Variants in RAB30 observed in about 807,000 individuals in gnomAD.
RAB30 encodes RAB30, member RAS oncogene family.
In RAB30, 9 loss-of-function variants were observed where a neutral mutation model predicts 25.1. That is an observed-to-expected ratio of 0.36 (90% confidence interval 0.22 to 0.63). The LOEUF is 0.63. Ranked by LOEUF, RAB30 falls within the 20% of genes least tolerant of loss-of-function variation. RAB30 has a pLI of 0.69. For synonymous variants in RAB30, 77 were observed against 86.4 expected, an observed-to-expected ratio of 0.89 and a Z score of 0.60; for missense variants, 140 against 243.5, an observed-to-expected ratio of 0.58 and a Z score of 2.83.
intron 1 of RAB30, among the ~76,000 whole-genome samples, chr11:83,050,946 C>A (rs1858345449): frequency 6.6e-6 from 1 of 152,170 alleles, no homozygotes; most frequent in Non-Finnish European, 1.5e-5. Context: ...CTCTTAACAG[C>A]TTTTGAGTCC....
intron 3 of RAB30, among the ~76,000 whole-genome samples, chr11:82,988,957 T>C (rs1856795185): frequency 7.4e-6 from 1 of 135,228 alleles, no homozygotes; most frequent in African/African-American, 2.8e-5. Context: ...GCACCTGACA[T>C]GCCTGAATCA....
At chr11:83,031,916 A>C (rs961728933) in intron 1 of RAB30, among the ~76,000 whole-genome samples, 1 of 152,174 alleles carries the variant, frequency 6.6e-6, no homozygotes, top group African/African-American at 2.4e-5. Flanking sequence ...CCATGTGCTG[A>C]TGAAGCACCT....
intron 1 of RAB30, among the ~76,000 whole-genome samples, chr11:83,055,506 C>T (rs1858439738): frequency 6.6e-6 from 1 of 152,208 alleles, no homozygotes; most frequent in Admixed American, 6.5e-5. Context: ...TTCTGCTGCG[C>T]AGCCAGATCT....
At chr11:82,994,215 C>T (rs1856914696) in intron 2 of RAB30, 93 bp from the exon 3 acceptor site, 16 of 1,085,190 alleles carry the variant, frequency 1.5e-5, no homozygotes. Context: ...TCACCGGAGT[C>T]CTTCCTTCAG....
chr11:83,035,745 G>C (rs1186104399), intron 1 of RAB30: 1 of 152,272 alleles, frequency 6.6e-6, no homozygotes, highest in Non-Finnish European at 1.5e-5. Flanking sequence ...TCCAGTGAAG[G>C]CTCTGTGCTT....
At chr11:83,070,098 A>T (rs1218964340) in intron 1 of RAB30, among the ~76,000 whole-genome samples, 1 of 151,466 alleles carries the variant, frequency 6.6e-6, no homozygotes. Context: ...GAGATAGAGA[A>T]ATAAACAGAA....
At chr11:83,014,162 G>A (rs1172150527) in intron 1 of RAB30, among the ~76,000 whole-genome samples, 1 of 152,224 alleles carries the variant, frequency 6.6e-6, no homozygotes, top group Non-Finnish European at 1.5e-5. Context: ...ACAGTGATAA[G>A]TGCTAGTAGA....
At chr11:82,984,648 C>T (rs1357495420) in intron 4 of RAB30, among the ~76,000 whole-genome samples, 1 of 152,194 alleles carries the variant, frequency 6.6e-6, no homozygotes, top group East Asian at 1.9e-4. Flanking sequence ...CACACATGCA[C>T]ACATACACAC....
chr11:83,053,990 T>G (rs1240838717), intron 1 of RAB30, among the ~76,000 whole-genome samples: 1 of 152,176 alleles, frequency 6.6e-6, no homozygotes, highest in Non-Finnish European at 1.5e-5. Flanking sequence ...CTCAGGAGGC[T>G]GAGGCAGGAG....
chr11:83,052,710 G>A (rs1408865426), intron 1 of RAB30, among the ~76,000 whole-genome samples: 2 of 152,268 alleles, frequency 1.3e-5, no homozygotes. Flanking sequence ...ATAGTTCAAG[G>A]CCTCTAAGAA....
rs982462369 is a variant in RAB30 at position 82,981,853 on chromosome 11, C to T, written c.*312G>A. 6 of 312,182 alleles carry T rather than the reference C, an allele frequency of 1.9e-5. No homozygotes were observed. The highest frequency in any genetic ancestry group is 3.7e-5 in the Non-Finnish European group (6 of 163,202). The allele number at this position is 312,182 out of a possible 1,614,324, so 19.3% of individuals were successfully genotyped here. On this transcript the variant is annotated 3_prime_UTR_variant, in exon 5 of 5. Coordinates refer to ENST00000527633, the MANE Select transcript of RAB30 (RefSeq NM_001286060.2). Reference sequence around the variant, plus strand: ...GGGATCCCTACAGTACATTTCCCCCCGGACTCTGTTTAGGAATGCGCTTTT... The same window carrying T: ...GGGATCCCTACAGTACATTTCCCCCTGGACTCTGTTTAGGAATGCGCTTTT...
chr11:82,998,763 C>T (rs1857014056), intron 1 of RAB30, among the ~76,000 whole-genome samples: 1 of 150,818 alleles, frequency 6.6e-6, no homozygotes, highest in African/African-American at 2.4e-5. Context: ...AAGAGTGGAG[C>T]TCTTTTCTTA....
At chr11:83,049,722 A>G (rs564953104) in intron 1 of RAB30, among the ~76,000 whole-genome samples, 4 of 152,218 alleles carry the variant, frequency 2.6e-5, no homozygotes, top group African/African-American at 9.6e-5. Flanking sequence ...TTTTGAAGGT[A>G]AAGTTCAATA....
At chr11:83,055,817 G>A (rs1205666348) in intron 1 of RAB30, among the ~76,000 whole-genome samples, 1 of 152,208 alleles carries the variant, frequency 6.6e-6, no homozygotes, top group Non-Finnish European at 1.5e-5. Flanking sequence ...GGAGGATGCA[G>A]GAACAAGGCA....
At chr11:83,018,799 A>G (rs561451003) in intron 1 of RAB30, among the ~76,000 whole-genome samples, 49 of 152,234 alleles carry the variant, frequency 3.2e-4, no homozygotes, top group Non-Finnish European at 6.3e-4. Context: ...TACTGATGAT[A>G]TTGTCTAGAA....
In RAB30 at chr11:82,980,895, GAAAA is replaced by G. The variant is rs1025485078; in HGVS notation, c.*1266_*1269del. The G allele has an allele frequency of 1.8e-4, 28 of 151,840 alleles. No homozygotes were observed. The highest frequency in any genetic ancestry group is 6.8e-4 in the African/African-American group (28 of 41,418). The allele number at this position is 151,840 out of a possible 1,614,324, so 9.4% of individuals were successfully genotyped here. On this transcript the variant is annotated 3_prime_UTR_variant, in exon 5 of 5. Coordinates refer to ENST00000527633, the MANE Select transcript of RAB30 (RefSeq NM_001286060.2). ...AGAAAAATAGAGAGGAAAAGAGAAA[GAAAA>G]AAGAAAGAACATATGGTTAAGCGTC...
At chr11:83,025,840 G>A (rs1443157649) in intron 1 of RAB30, among the ~76,000 whole-genome samples, 1 of 152,082 alleles carries the variant, frequency 6.6e-6, no homozygotes, top group African/African-American at 2.4e-5. Flanking sequence ...GAGTTTTCCA[G>A]GCAAATAAAA....
chr11:83,004,136 G>A (rs968299701), intron 1 of RAB30, among the ~76,000 whole-genome samples: 2 of 152,116 alleles, frequency 1.3e-5, no homozygotes, highest in African/African-American at 4.8e-5. Flanking sequence ...TTTTATATAT[G>A]CCTTGCTACT....
intron 3 of RAB30, chr11:82,992,476 G>T (rs1856871906): frequency 4.6e-6 from 2 of 436,980 alleles, no homozygotes; most frequent in South Asian, 3.2e-5. Flanking sequence ...CTCTGTGATG[G>T]CAAGTATCTA....
Sources: allele counts gnomAD v4.1 joint callset (sites outside exome capture counted in the v4.1 genomes callset), GRCh38; gene constraint gnomAD v4.1.1; transcripts MANE v1.5; gene names NCBI Gene and HGNC (gene_info 2026-07-23, HGNC 2026-07-21).